LINGO2: variants seen among roughly 807,000 people sequenced by gnomAD.
LINGO2 encodes the protein leucine rich repeat and Ig domain containing 2.
In LINGO2, 14 loss-of-function variants were observed where a neutral mutation model predicts 30.6. The observed-to-expected ratio is 0.46, with a 90% CI of 0.30 to 0.72. The LOEUF is 0.72. Ranked by LOEUF, LINGO2 falls within the 30% of genes least tolerant of loss-of-function variation. LINGO2 has a pLI of 0.07. For synonymous variants in LINGO2, 317 were observed against 288.5 expected, an observed-to-expected ratio of 1.10 and a Z score of -1.00; for missense variants, 729 against 751.7, an observed-to-expected ratio of 0.97 and a Z score of 0.35.
At chr9:29,174,013 G>A in the LINGO2 span, among the ~76,000 whole-genome samples, 3 of 151,528 alleles carry the variant, frequency 2.0e-5, no homozygotes, top group African/African-American at 7.3e-5. Context: ...AATATACAAA[G>A]GATTTACCAT....
At chr9:28,625,563 T>G (rs186567698) in intron 1 of LINGO2, among the ~76,000 whole-genome samples, 2 of 152,310 alleles carry the variant, frequency 1.3e-5, no homozygotes, top group Admixed American at 1.3e-4. Flanking sequence ...TTGGCCATCT[T>G]GCTCCACATC....
chr9:28,495,286 T>C (rs978262419), intron 1 of LINGO2, among the ~76,000 whole-genome samples: 5 of 152,206 alleles, frequency 3.3e-5, no homozygotes, highest in African/African-American at 7.2e-5. Flanking sequence ...CATGAAGTCC[T>C]TGCCCATGCC....
intron 4 of LINGO2, among the ~76,000 whole-genome samples, chr9:28,284,499 A>G (rs924384783): frequency 1.3e-5 from 2 of 152,200 alleles, no homozygotes; most frequent in African/African-American, 2.4e-5. Flanking sequence ...CAGTTATTTC[A>G]TAAGTATTAT....
intron 4 of LINGO2, among the ~76,000 whole-genome samples, chr9:28,047,596 C>T (rs901480364): frequency 6.6e-6 from 1 of 150,720 alleles, no homozygotes; most frequent in African/African-American, 2.5e-5. Context: ...AGACAGCTTA[C>T]ATGATCAATC....
the LINGO2 span, among the ~76,000 whole-genome samples, chr9:28,734,322 A>C: frequency 6.6e-6 from 1 of 152,140 alleles, no homozygotes; most frequent in Non-Finnish European, 1.5e-5. Flanking sequence ...AGGCGGGACA[A>C]AGTAGGATGG....
chr9:28,314,454 C>T (rs1033667726), intron 3 of LINGO2, among the ~76,000 whole-genome samples: 8 of 152,100 alleles, frequency 5.3e-5, no homozygotes, highest in Non-Finnish European at 7.4e-5. Context: ...TTCCTTCCAC[C>T]TGTCTCCTGT....
the LINGO2 span, among the ~76,000 whole-genome samples, chr9:28,857,550 C>A: frequency 1.3e-5 from 2 of 152,046 alleles, no homozygotes; most frequent in South Asian, 2.1e-4. Flanking sequence ...ACTACTACCA[C>A]CTGACAGGTA....
chr9:28,220,910 A>G (rs1180024376), intron 4 of LINGO2, among the ~76,000 whole-genome samples: 1 of 152,236 alleles, frequency 6.6e-6, no homozygotes, highest in Non-Finnish European at 1.5e-5. Flanking sequence ...AAAGATGTCA[A>G]TCAAATATGT....
At chr9:29,143,491 C>T in the LINGO2 span, among the ~76,000 whole-genome samples, 1 of 151,842 alleles carries the variant, frequency 6.6e-6, no homozygotes, top group Non-Finnish European at 1.5e-5. Flanking sequence ...GATTAGAGAG[C>T]CTAGAAATAA....
At chr9:28,383,960 A>C (rs1040160212) in intron 2 of LINGO2, among the ~76,000 whole-genome samples, 2 of 152,038 alleles carry the variant, frequency 1.3e-5, no homozygotes, top group Admixed American at 6.6e-5. Flanking sequence ...ACAGAAAATA[A>C]AGTTATAAGG....
chr9:28,111,597 A>G (rs1826793346), intron 4 of LINGO2, among the ~76,000 whole-genome samples: 1 of 152,092 alleles, frequency 6.6e-6, no homozygotes, highest in Admixed American at 6.6e-5. Context: ...TCATTCTTCT[A>G]ATTATTCATT....
At chr9:28,624,156 G>A (rs1162054470) in intron 1 of LINGO2, among the ~76,000 whole-genome samples, 2 of 151,940 alleles carry the variant, frequency 1.3e-5, no homozygotes, top group Non-Finnish European at 2.9e-5. Flanking sequence ...CAATTTGAAT[G>A]TCCTTTATTT....
At chr9:28,170,188 G>C (rs1828543182) in intron 4 of LINGO2, among the ~76,000 whole-genome samples, 2 of 152,178 alleles carry the variant, frequency 1.3e-5, no homozygotes, top group Admixed American at 1.3e-4. Context: ...AGCTAGGAGA[G>C]GGCTTGACAC....
At chr9:28,934,204 T>A in the LINGO2 span, among the ~76,000 whole-genome samples, 6 of 152,216 alleles carry the variant, frequency 3.9e-5, no homozygotes, top group Non-Finnish European at 8.8e-5. Flanking sequence ...ACACATGACT[T>A]TAAATTCCTG....
chr9:29,049,352 T>C, the LINGO2 span, among the ~76,000 whole-genome samples: 1 of 152,180 alleles, frequency 6.6e-6, no homozygotes, highest in Non-Finnish European at 1.5e-5. Flanking sequence ...GGAACACTTG[T>C]ACACTGTTGG....
intron 4 of LINGO2, among the ~76,000 whole-genome samples, chr9:28,107,572 A>T (rs1826633260): frequency 6.6e-6 from 1 of 152,148 alleles, no homozygotes; most frequent in South Asian, 2.1e-4. Context: ...TTCAGTAATT[A>T]CTGCTGCTTT....
the LINGO2 span, among the ~76,000 whole-genome samples, chr9:29,110,367 C>T: frequency 1.3e-5 from 2 of 152,144 alleles, no homozygotes; most frequent in Non-Finnish European, 2.9e-5. Context: ...GAGTCTTGCT[C>T]CGTCGCCCAG....
intron 4 of LINGO2, among the ~76,000 whole-genome samples, chr9:28,035,868 A>C (rs1823905406): frequency 6.9e-6 from 1 of 144,478 alleles, no homozygotes; most frequent in African/African-American, 2.6e-5. Flanking sequence ...ACAAGGATGA[A>C]ATGATAGCAG....
At chr9:29,018,637 G>C in the LINGO2 span, among the ~76,000 whole-genome samples, 1 of 152,102 alleles carries the variant, frequency 6.6e-6, no homozygotes, top group Non-Finnish European at 1.5e-5. Context: ...TAACTTACTA[G>C]AAGTCCCAAA....
Sources: allele counts gnomAD v4.1 joint callset (sites outside exome capture counted in the v4.1 genomes callset), GRCh38; gene constraint gnomAD v4.1.1; transcripts MANE v1.5; gene names NCBI Gene and HGNC (gene_info 2026-07-23, HGNC 2026-07-21).